The following MGAT4C variants were observed in gnomAD, a reference collection of about 807,000 sequenced individuals.
MGAT4C encodes the protein MGAT4 family member C, also known as alpha-1,3-mannosyl-glycoprotein 4-beta-N-acetylglucosaminyltransferase C.
A neutral mutation model predicts 40.1 loss-of-function variants in MGAT4C; 19 were observed. The observed-to-expected ratio is 0.47, with a 90% CI of 0.33 to 0.70. The LOEUF (loss-of-function observed/expected upper bound fraction) is 0.70, where lower values mean the gene tolerates loss of function less well. MGAT4C is among the 30% of genes least tolerant of loss of function. The pLI is 0.02. For synonymous variants in MGAT4C, 181 were observed against 187.1 expected, an observed-to-expected ratio of 0.97 and a Z score of 0.27; for missense variants, 491 against 563.2, an observed-to-expected ratio of 0.87 and a Z score of 1.30.
intron 2 of MGAT4C, among the ~76,000 whole-genome samples, chr12:86,668,307 A>G (rs1308917764): frequency 6.6e-6 from 1 of 152,174 alleles, no homozygotes; most frequent in Non-Finnish European, 1.5e-5. Context: ...AGATGCTGGC[A>G]AACAGCCCCT....
chr12:86,157,095 A>G (rs1305886508), intron 1 of MGAT4C, among the ~76,000 whole-genome samples: 1 of 150,908 alleles, frequency 6.6e-6, no homozygotes, highest in Non-Finnish European at 1.5e-5. Flanking sequence ...TGCAAGTACT[A>G]TCATGATATA....
chr12:86,112,613 G>T (rs1268623509), intron 1 of MGAT4C, among the ~76,000 whole-genome samples: 1 of 151,632 alleles, frequency 6.6e-6, no homozygotes, highest in Non-Finnish European at 1.5e-5. Context: ...GCAAATGAAT[G>T]TGCATAAAAT....
rs1434232586 is a variant in MGAT4C at position 85,960,227 on chromosome 12, C to T, written c.*19062G>A. 1.3e-5 allele frequency: 2 copies of T among 151,958 alleles called. No individual in the cohort carries two copies. Among genetic ancestry groups the T allele is most frequent in the Non-Finnish European group, 2.9e-5 (2 of 67,910 alleles). The allele number at this position is 151,958 out of a possible 1,614,324, so 9.4% of individuals were successfully genotyped here. ...ACAACTTGAAGAAATTTTCATCAAA[C>T]GTCTTTGTCTTATCCCCTTGTTATA... On this transcript the variant is annotated 3_prime_UTR_variant, in exon 5 of 5. Coordinates refer to ENST00000611864, the MANE Select transcript of MGAT4C (RefSeq NM_001351288.2).
At chr12:86,732,080 C>T (rs1026358949) in intron 1 of MGAT4C, among the ~76,000 whole-genome samples, 12 of 152,238 alleles carry the variant, frequency 7.9e-5, no homozygotes, top group African/African-American at 2.6e-4. Flanking sequence ...TCTCTCTATA[C>T]CTTGTGCTTT....
chr12:86,488,309 C>A (rs1296238897), intron 2 of MGAT4C, among the ~76,000 whole-genome samples: 1 of 151,152 alleles, frequency 6.6e-6, no homozygotes, highest in Admixed American at 6.6e-5. Context: ...GCCTATAGTT[C>A]CAGCTACTCC....
chr12:86,686,680 G>T (rs149740764), intron 2 of MGAT4C, among the ~76,000 whole-genome samples: 4,749 of 152,254 alleles, frequency 0.031, 122 homozygotes, highest in African/African-American at 0.074. Flanking sequence ...TCCCAGGGAT[G>T]AAGTCAACTT....
chr12:86,265,643 T>G (rs1024572368), intron 4 of MGAT4C, among the ~76,000 whole-genome samples: 1 of 152,184 alleles, frequency 6.6e-6, no homozygotes, highest in Non-Finnish European at 1.5e-5. Context: ...ATTCAGGGTC[T>G]TTTTGGTTTC....
intron 3 of MGAT4C, among the ~76,000 whole-genome samples, chr12:86,394,502 T>TA (rs1956213846): frequency 2.2e-5 from 3 of 139,492 alleles, no homozygotes; most frequent in Admixed American, 7.4e-5. Flanking sequence ...TATATATATA[T>TA]TTTTTAAATA....
At chr12:86,367,968 A>AC (rs1255878305) in intron 3 of MGAT4C, among the ~76,000 whole-genome samples, 1 of 152,178 alleles carries the variant, frequency 6.6e-6, no homozygotes, top group Non-Finnish European at 1.5e-5. Context: ...ACCACCTTTC[A>AC]CATTTCTTTC....
At chr12:86,116,567 A>G (rs921855983) in intron 1 of MGAT4C, among the ~76,000 whole-genome samples, 1 of 152,126 alleles carries the variant, frequency 6.6e-6, no homozygotes, top group African/African-American at 2.4e-5. Context: ...TACTGTAGAA[A>G]ATTTAATAAG....
At chr12:86,346,029 T>C (rs1364761698) in intron 3 of MGAT4C, among the ~76,000 whole-genome samples, 3 of 152,186 alleles carry the variant, frequency 2.0e-5, no homozygotes, top group Non-Finnish European at 4.4e-5. Flanking sequence ...GAATAATATT[T>C]CTTACAGAAA....
At chr12:86,616,699 G>C (rs1158071065) in intron 2 of MGAT4C, among the ~76,000 whole-genome samples, 1 of 150,262 alleles carries the variant, frequency 6.7e-6, no homozygotes, top group Non-Finnish European at 1.5e-5. Flanking sequence ...AGTTAACAGG[G>C]TTTCTTTTTT....
At chr12:86,129,912 C>G (rs1320182056) in intron 1 of MGAT4C, among the ~76,000 whole-genome samples, 1 of 152,224 alleles carries the variant, frequency 6.6e-6, no homozygotes, top group South Asian at 2.1e-4. Flanking sequence ...TCAGTCTACC[C>G]CTACAACATA....
chr12:86,730,606 T>C (rs1950892131), intron 1 of MGAT4C, among the ~76,000 whole-genome samples: 1 of 152,072 alleles, frequency 6.6e-6, no homozygotes, highest in African/African-American at 2.4e-5. Flanking sequence ...AGCAATTTTT[T>C]TTCTACCATA....
At chr12:86,423,767 C>T (rs1413299970) in intron 3 of MGAT4C, among the ~76,000 whole-genome samples, 2 of 152,108 alleles carry the variant, frequency 1.3e-5, no homozygotes, top group African/African-American at 4.8e-5. Flanking sequence ...AATGTCTTGC[C>T]TGTAATGAAC....
At chr12:86,478,252 G>C in intron 2 of MGAT4C, among the ~76,000 whole-genome samples, 1 of 152,154 alleles carries the variant, frequency 6.6e-6, no homozygotes, top group South Asian at 2.1e-4. Context: ...AAGTAGTTGT[G>C]ATGTTCATGA....
chr12:86,363,218 T>C (rs1489787145), intron 3 of MGAT4C, among the ~76,000 whole-genome samples: 1 of 152,116 alleles, frequency 6.6e-6, no homozygotes, highest in African/African-American at 2.4e-5. Context: ...CATATTATTT[T>C]AAAATGTATG....
chr12:86,486,382 AC>A (rs1958020005), intron 2 of MGAT4C, among the ~76,000 whole-genome samples: 2 of 45,660 alleles, frequency 4.4e-5, no homozygotes, highest in East Asian at 9.3e-4. Flanking sequence ...TCATGCACAC[AC>A]ACACACACAC....
At chr12:86,541,235 T>C (rs1034114426) in intron 2 of MGAT4C, among the ~76,000 whole-genome samples, 1 of 152,314 alleles carries the variant, frequency 6.6e-6, no homozygotes, top group East Asian at 1.9e-4. Flanking sequence ...AAGTCTTCAA[T>C]TGCAACATTA....
Sources: allele counts gnomAD v4.1 joint callset (sites outside exome capture counted in the v4.1 genomes callset), GRCh38; gene constraint gnomAD v4.1.1; transcripts MANE v1.5; gene names NCBI Gene and HGNC (gene_info 2026-07-23, HGNC 2026-07-21).